The following LRP4 variants were observed in gnomAD, a reference collection of about 807,000 sequenced individuals.
The protein encoded by LRP4 is low-density lipoprotein receptor-related protein 4.
LRP4 carries 95 observed loss-of-function variants against 220.3 expected under a neutral mutation model. The ratio of observed to expected loss-of-function variants is 0.43; its 90% CI spans 0.37 to 0.51. The LOEUF (loss-of-function observed/expected upper bound fraction) is 0.51, where lower values mean the gene tolerates loss of function less well. Among genes scored for constraint, LRP4 ranks in the 20% least tolerant of loss-of-function variants. The pLI is 0.00. For synonymous variants in LRP4, 903 were observed against 954.6 expected (o/e 0.95, Z 1.00); for missense variants, 1,925 against 2,567.0 (o/e 0.75, Z 5.40).
At chr11:46,868,815 G>T in intron 32 of LRP4, 102 bp from the exon 33 acceptor site, 1 of 1,229,218 alleles carries the variant, frequency 8.1e-7, no homozygotes, top group Non-Finnish European at 1.2e-6. Context: ...CTACTCCCAG[G>T]GACAGGGGAG....
At chr11:46,906,962 T>A (rs1372972834) in intron 1 of LRP4, among the ~76,000 whole-genome samples, 2 of 152,138 alleles carry the variant, frequency 1.3e-5, no homozygotes, top group East Asian at 3.8e-4. Flanking sequence ...AACAGACACA[T>A]TATACTCCAA....
rs1224012193 is a variant in LRP4 at position 46,876,839 on chromosome 11, G to T, written c.3278-9C>A. 1.2e-6 allele frequency: 2 copies of T among 1,611,700 alleles called. No individual in the cohort carries two copies. Among genetic ancestry groups the T allele is most frequent in the Admixed American group, 3.3e-5 (2 of 60,018 alleles). On this transcript the variant is annotated splice_polypyrimidine_tract_variant and intron_variant, in intron 23 of 37. Coordinates refer to ENST00000378623, the MANE Select transcript of LRP4 (RefSeq NM_002334.4). ...AGACCAGTACACCTTTCCTGGAGAG[G>T]GAAAGCTTGGCTCAACCTAGACCCT...
intron 3 of LRP4, 107 bp downstream of exon 3, chr11:46,900,155 T>C: frequency 9.9e-7 from 1 of 1,008,374 alleles, no homozygotes; most frequent in South Asian, 1.3e-5. Context: ...CAGGACAAAG[T>C]GCTGAAAACA....
chr11:46,858,790 C>T lies in LRP4; in HGVS notation c.*193G>A, dbSNP rs994989359. ...TCCAGGTCTAAATTCTCGTGATGTG[C>T]CATCATTTCTTGTGCACAGGTAGTT... On this transcript the variant is annotated 3_prime_UTR_variant, in exon 38 of 38. Coordinates refer to ENST00000378623, the MANE Select transcript of LRP4 (RefSeq NM_002334.4). 5.1e-5 allele frequency: 33 copies of T among 643,006 alleles called. No individual in the cohort carries two copies. In the East Asian group the frequency reaches 8.0e-4, roughly 16 times the overall value. 39.8% of individuals were successfully genotyped at this position (643,006 alleles called of 1,614,324 possible). A position where few individuals can be genotyped will look rare whatever the true frequency, so the allele number is the denominator to read the frequency against.
chr11:46,896,978 C>T lies in LRP4; in HGVS notation c.813G>A (p.Thr271=), dbSNP rs879721. ...DERNCTTSMC[T]AEQFRCHSGR... Reference sequence around the variant, plus strand: ...CTGAGTGACAGCGGAACTGTTCTGCCGTACACATGGAGGTGGCTGGGCAAA... The same window carrying T: ...CTGAGTGACAGCGGAACTGTTCTGCTGTACACATGGAGGTGGCTGGGCAAA... Residue 271 remains threonine (T), a synonymous_variant, in exon 8 of 38, where the codon ACG becomes ACA. Coordinates refer to ENST00000378623, the MANE Select transcript of LRP4 (RefSeq NM_002334.4). 15,490 of 1,614,080 alleles carry T rather than the reference C, an allele frequency of 9.6e-3. 1,287 individuals are homozygous for T. The African/African-American group carries it at 0.18, about 19-fold the overall frequency.
intron 36 of LRP4, among the ~76,000 whole-genome samples, chr11:46,863,584 C>CAAAAAAAAAAAAAA (rs55744712): frequency 9.2e-5 from 5 of 54,120 alleles, no homozygotes; most frequent in African/African-American, 2.4e-4. Flanking sequence ...ACTAAAAATA[C>CAAAAAAAAAAAAAA]AAAAAAAAAA....
chr11:46,893,131 T>C lies in LRP4; in HGVS notation c.1541-2A>G. ...GGACCCAATCCACAGCCAGGCCCCC[T>C]GGTGAGAAGCAGCAGCAAAAAATGT... On this transcript the variant is annotated splice_acceptor_variant, in intron 12 of 37. Transcript: ENST00000378623. LOFTEE classifies it high-confidence loss of function. The C allele has an allele frequency of 6.2e-7, 1 of 1,614,064 alleles. No individual in the cohort carries two copies. Among genetic ancestry groups the C allele is most frequent in the Non-Finnish European group, 8.5e-7 (1 of 1,179,980 alleles).
intron 8 of LRP4, 68 bp downstream of exon 8, chr11:46,896,801 C>T (rs1403788578): frequency 2.5e-6 from 4 of 1,609,402 alleles, no homozygotes; most frequent in Admixed American, 1.7e-5. Flanking sequence ...GATACCAAAG[C>T]ACCCTCTTTT....
intron 35 of LRP4, 102 bp downstream of exon 35, chr11:46,865,017 T>A: frequency 2.0e-6 from 2 of 986,486 alleles, no homozygotes; most frequent in Admixed American, 4.0e-5. Context: ...TTAAAAAGAG[T>A]TCATCAACCC....
In LRP4 at chr11:46,869,070, G is replaced by C; in HGVS notation, c.4755C>G (p.Tyr1585Ter). Reference sequence around the variant, plus strand: ...GCACTGTCTCCTTGTTCCGGCCTGAGTATTTGTCAACACGCTGGATTGACT... The same window carrying C: ...GCACTGTCTCCTTGTTCCGGCCTGACTATTTGTCAACACGCTGGATTGACT... ...QTKSIQRVDK[Y>*]SGRNKETVLA... The change falls in exon 32 of 38, where the codon TAC (tyrosine) becomes TAG (stop). Residue 1585 changes from tyrosine to a stop codon, truncating the protein, a stop_gained. Coordinates refer to ENST00000378623, the MANE Select transcript of LRP4 (RefSeq NM_002334.4). LOFTEE classifies it high-confidence loss of function. 1 of 1,614,150 alleles carries C rather than the reference G, an allele frequency of 6.2e-7. No individual in the cohort carries two copies.
In LRP4 at chr11:46,913,052, T is replaced by C. The variant is rs1270891590; in HGVS notation, c.52+5276A>G. On this transcript the variant is annotated intron_variant, in intron 1 of 37. Coordinates refer to ENST00000378623, the MANE Select transcript of LRP4 (RefSeq NM_002334.4). ...CAAGTCCCAGCCAGGCTATCCCCAG[T>C]TGGGTCCCAGACAGCGCCCCTCCCC... Among the ~76,000 whole-genome samples the C allele has an allele frequency of 4.6e-5, 7 of 151,956 alleles. No homozygotes were observed. The South Asian group carries it at 1.5e-3, about 32-fold the overall frequency.
chr11:46,876,368 G>T, intron 25 of LRP4, 98 bp downstream of exon 25: 1 of 1,436,978 alleles, frequency 7.0e-7, no homozygotes, highest in Non-Finnish European at 9.8e-7. Context: ...CCTTGTTTCT[G>T]TGATGCAAGC....
intron 34 of LRP4, among the ~76,000 whole-genome samples, chr11:46,867,759 C>A (rs1372349752): frequency 6.6e-6 from 1 of 152,222 alleles, no homozygotes; most frequent in Non-Finnish European, 1.5e-5. Context: ...CCACACCCAG[C>A]CTTAAAGTTG....
intron 16 of LRP4, among the ~76,000 whole-genome samples, chr11:46,887,221 C>T (rs1328630918): frequency 6.6e-6 from 1 of 152,214 alleles, no homozygotes; most frequent in Non-Finnish European, 1.5e-5. Flanking sequence ...TCTGCCTTTC[C>T]TCTGGTCAGT....
chr11:46,889,589 A>C, intron 15 of LRP4, 56 bp from the exon 16 acceptor site: 2 of 1,607,192 alleles, frequency 1.2e-6, no homozygotes, highest in Non-Finnish European at 8.5e-7. Flanking sequence ...AGTGACCCCA[A>C]GACTAGGGAA....
At position 46,896,290 on chromosome 11, in the gene LRP4, C is replaced by A; in HGVS notation, c.968G>T (p.Arg323Leu). 6.2e-7 allele frequency: 1 copy of A among 1,614,162 alleles called. No homozygotes were observed. The highest frequency in any genetic ancestry group is 1.3e-5 in the African/African-American group (1 of 75,064). Residue 323 changes from arginine to leucine, a missense_variant, in exon 9 of 38, where the codon CGC becomes CTC. Transcript: ENST00000378623. The part of the protein sequence containing the change: ...ALDQFLCWNG[R>L]CIGQRKLCNG... ...GCACAGCTTCCTCTGCCCAATGCAG[C>A]GCCCATTCCAACACAGGAACTGGTC...
In LRP4 at chr11:46,893,037, G is replaced by A. The variant is rs371763360; in HGVS notation, c.1633C>T (p.Arg545Trp). 6.2e-6 allele frequency: 10 copies of A among 1,614,070 alleles called. No homozygotes were observed. The highest frequency in any genetic ancestry group is 7.6e-6 in the Non-Finnish European group (9 of 1,179,984). Reference protein sequence around the residue: ...IEVANLDGAHRKVLLWQNLEK... With the variant: ...IEVANLDGAHWKVLLWQNLEK... ...AGGTTCTGCCACAGCAACACTTTCC[G>A]GTGGGCCCCATCCAGATTGGCCACC... is the stretch of plus-strand genomic sequence containing the variant. Residue 545 changes from arginine (R) to tryptophan (W), a missense_variant, in exon 13 of 38, where the codon CGG (arginine) becomes TGG (tryptophan). Physicochemically the swap from Arg to Trp is moderately radical, Grantham distance 101. This residue lies in a region of LRP4 where 269 missense variants were observed against 436.7 expected (regional missense o/e 0.62). Coordinates refer to ENST00000378623, the MANE Select transcript of LRP4 (RefSeq NM_002334.4).
rs752536167 is a variant in LRP4, at chr11:46,859,198, C to T, written c.5503G>A (p.Gly1835Ser). The change falls in exon 38 of 38, where the codon GGC (glycine) becomes AGC (serine). Residue 1835 changes from glycine to serine, a missense_variant. Physicochemically the swap from Gly to Ser is moderately conservative, Grantham distance 56. Transcript: ENST00000378623. The stretch of plus-strand genomic sequence containing the variant: ...ATGCATACATGATCCCGGAGGAGGC[C>T]CCCCCGTGAGCTTCGCAGTTGCTTG... ...DLKQLRSSRGGLLRDHVCMKT... is the reference protein window; with the variant it reads ...DLKQLRSSRGSLLRDHVCMKT... The T allele has an allele frequency of 1.9e-6, 3 of 1,614,108 alleles. No homozygotes were observed. The highest frequency in any genetic ancestry group is 1.1e-5 in the South Asian group (1 of 91,084).
intron 1 of LRP4, among the ~76,000 whole-genome samples, chr11:46,914,041 C>G (rs1336998927): frequency 2.0e-5 from 3 of 152,122 alleles, no homozygotes; most frequent in Non-Finnish European, 4.4e-5. Flanking sequence ...CAAGAATCAT[C>G]TCGGATCCAC....
Sources: allele counts gnomAD v4.1 joint callset (sites outside exome capture counted in the v4.1 genomes callset), GRCh38; gene constraint gnomAD v4.1.1; regional missense constraint gnomAD v4.1.1; transcripts MANE v1.5; gene names NCBI Gene and HGNC (gene_info 2026-07-23, HGNC 2026-07-21).